RC3H1: variants seen among roughly 807,000 people sequenced by gnomAD.
RC3H1 encodes ring finger and CCCH-type domains 1.
Under a neutral mutation model 138.2 loss-of-function variants are expected in RC3H1, and 50 were observed. The observed-to-expected ratio is 0.36, with a 90% confidence interval of 0.29 to 0.46. RC3H1 has a LOEUF of 0.46. RC3H1 is among the 20% of genes least tolerant of loss of function. The pLI is 1.00. For missense variants in RC3H1, 1,031 were observed against 1,388.1 expected (o/e 0.74, Z 4.09); for synonymous variants, 462 against 489.1 (o/e 0.94, Z 0.73).
Position 173,964,114 on chromosome 1 carries a change from C to T in RC3H1, c.1690G>A (p.Asp564Asn). Reference sequence around the variant, plus strand: ...TTGGTAACAGGCATTGGAGGCAGATCTGCTGGCCCCCTTGGAGGTATAGAA... The same window carrying T: ...TTGGTAACAGGCATTGGAGGCAGATTTGCTGGCCCCCTTGGAGGTATAGAA... ...PHSIPPRGPADLPPMPVTKPL... is the reference protein window; with the variant it reads ...PHSIPPRGPANLPPMPVTKPL... Residue 564 changes from aspartate (D) to asparagine (N), a missense_variant, in exon 11 of 20, where the codon GAT becomes AAT. Physicochemically the swap from Asp to Asn is conservative, Grantham distance 23 (BLOSUM62 1). Around this residue, in one of 7 missense-constraint regions of RC3H1, gnomAD observed 716 missense variants for 837.9 expected, o/e 0.85. Transcript: ENST00000367696. 6.2e-7 allele frequency: 1 copy of T among 1,614,154 alleles called. No homozygotes were observed. Among genetic ancestry groups the T allele is most frequent in the East Asian group, 2.2e-5 (1 of 44,880 alleles).
chr1:173,943,324 A>T, intron 18 of RC3H1, 118 bp downstream of exon 18: 2 of 905,246 alleles, frequency 2.2e-6, no homozygotes, highest in Non-Finnish European at 3.2e-6. Context: ...GAATTATTTT[A>T]AATATTAACC....
At position 173,934,233 on chromosome 1, in the gene RC3H1, A is replaced by T. The variant is rs1195679276; in HGVS notation, c.*4488T>A. ...TTTTAGTGAAAGTATTTTGTCTTGA[A>T]TTTTAACAATCTGTACATGTACTGA... is the stretch of plus-strand genomic sequence containing the variant. On this transcript the variant is annotated 3_prime_UTR_variant, in exon 20 of 20. Coordinates refer to ENST00000367696, the MANE Select transcript of RC3H1 (RefSeq NM_172071.4). 6.6e-6 allele frequency: 1 copy of T among 152,122 alleles called. No individual in the cohort carries two copies. The highest frequency in any genetic ancestry group is 6.6e-5 in the Admixed American group (1 of 15,260). 9.4% of individuals were successfully genotyped at this position (152,122 alleles called of 1,614,324 possible). A position where few individuals can be genotyped will look rare whatever the true frequency, so the allele number is the denominator to read the frequency against.
At chr1:173,939,600 G>T (rs895925247) in intron 19 of RC3H1, among the ~76,000 whole-genome samples, 2 of 149,532 alleles carry the variant, frequency 1.3e-5, no homozygotes, top group Admixed American at 1.3e-4. Flanking sequence ...ACTTTGGGAG[G>T]CCGAGGCGGG....
chr1:174,000,099 T>C (rs1661537508), intron 1 of RC3H1, among the ~76,000 whole-genome samples: 1 of 152,256 alleles, frequency 6.6e-6, no homozygotes, highest in Admixed American at 6.5e-5. Flanking sequence ...CATTTGTGTA[T>C]TTAAAATAAG....
chr1:173,947,415 C>T lies in RC3H1; in HGVS notation c.2691G>A (p.Gln897=). ...TAGGAGCTCCCTGAGGTGCCATAGCCTGCATTGGACCAGCACCCTGATATA... is the reference window on the plus strand; with the variant it reads ...TAGGAGCTCCCTGAGGTGCCATAGCTTGCATTGGACCAGCACCCTGATATA... ...KTIYQGAGPM[Q]AMAPQGAPTK... is the part of the protein sequence containing the mutation. The change falls in exon 15 of 20, where the codon CAG becomes CAA. Residue 897 remains glutamine, a synonymous_variant. Coordinates refer to ENST00000367696, the MANE Select transcript of RC3H1 (RefSeq NM_172071.4). The T allele has an allele frequency of 6.2e-7, 1 of 1,614,042 alleles. No individual in the cohort carries two copies.
At chr1:173,955,243 A>G (rs1486413559) in intron 13 of RC3H1, among the ~76,000 whole-genome samples, 8 of 141,498 alleles carry the variant, frequency 5.7e-5, no homozygotes, top group East Asian at 2.0e-4. Flanking sequence ...AAAAAAAAAA[A>G]AGAGAAACCA....
chr1:174,020,810 A>C (rs901451134), intron 1 of RC3H1, among the ~76,000 whole-genome samples: 1 of 152,160 alleles, frequency 6.6e-6, no homozygotes, highest in African/African-American at 2.4e-5. Context: ...GGAGTTCCAG[A>C]CCAGCCTGGC....
chr1:173,948,722 GGGACCGGCGT>G (rs1659244117), intron 14 of RC3H1, among the ~76,000 whole-genome samples: 1 of 151,888 alleles, frequency 6.6e-6, no homozygotes, highest in Admixed American at 6.6e-5. Flanking sequence ...TCAAGTAGCT[GGGACCGGCGT>G]GCACCACCAC....
chr1:174,013,326 A>G (rs1265921967), intron 1 of RC3H1, among the ~76,000 whole-genome samples: 2 of 152,116 alleles, frequency 1.3e-5, no homozygotes, highest in African/African-American at 4.8e-5. Flanking sequence ...GTGCTTTCCA[A>G]TATGGTAGCC....
At chr1:173,964,744 G>A in intron 10 of RC3H1, 95 bp downstream of exon 10, 4 of 941,884 alleles carry the variant, frequency 4.2e-6, no homozygotes, top group South Asian at 4.0e-5. Context: ...AATAATCAGG[G>A]TTTTTTTTTT....
intron 13 of RC3H1, among the ~76,000 whole-genome samples, chr1:173,957,947 A>T (rs1659716572): frequency 6.6e-6 from 1 of 152,162 alleles, no homozygotes; most frequent in South Asian, 2.1e-4. Context: ...AACTCATCCA[A>T]AGTGTTTAGA....
chr1:173,936,982 A>G lies in RC3H1; in HGVS notation c.*1739T>C, dbSNP rs576465310. On this transcript the variant is annotated 3_prime_UTR_variant, in exon 20 of 20. Transcript: ENST00000367696. ...TATATATATAAATTTTTATTTAAAT[A>G]AAAAAGAAAGCTCGAATCCCAAGCC... 2.0e-5 allele frequency: 3 copies of G among 149,560 alleles called. No homozygotes were observed. In the Admixed American group the frequency reaches 2.0e-4, roughly 10 times the overall value. 9.3% of individuals were successfully genotyped at this position (149,560 alleles called of 1,614,324 possible).
At position 173,946,547 on chromosome 1, in the gene RC3H1, C is replaced by T; in HGVS notation, c.2890G>A (p.Glu964Lys). ...HGKPLPSAER[E>K]QLRLELQQLN... is the part of the protein sequence containing the mutation. Reference sequence around the variant, plus strand: ...TGCTGCAATTCTAGTCGTAGCTGTTCTCTCTCAGCAGATGGAAGGGGTTTT... The same window carrying T: ...TGCTGCAATTCTAGTCGTAGCTGTTTTCTCTCAGCAGATGGAAGGGGTTTT... The change falls in exon 17 of 20, where the codon GAA becomes AAA. Residue 964 changes from glutamate to lysine, a missense_variant. Transcript: ENST00000367696. 6.2e-7 allele frequency: 1 copy of T among 1,614,028 alleles called. No homozygotes were observed. Among genetic ancestry groups the T allele is most frequent in the East Asian group, 2.2e-5 (1 of 44,874 alleles).
In RC3H1 at chr1:173,936,755, ATATATATTTTT is replaced by A. The variant is rs1482076866; in HGVS notation, c.*1955_*1965del. On this transcript the variant is annotated 3_prime_UTR_variant, in exon 20 of 20. Coordinates refer to ENST00000367696, the MANE Select transcript of RC3H1 (RefSeq NM_172071.4). ...CATATATATATATATATATATATAT[ATATATATTTTT>A]TTTTTTTTTTTTAAAAAAAGAAGAC... The A allele has an allele frequency of 1.3e-3, 54 of 40,698 alleles. No homozygotes were observed. Among genetic ancestry groups the A allele is most frequent in the East Asian group, 7.5e-3 (6 of 804 alleles). 2.5% of individuals were successfully genotyped at this position (40,698 alleles called of 1,614,324 possible). A position where few individuals can be genotyped will look rare whatever the true frequency, so the allele number is the denominator to read the frequency against.
At position 173,936,264 on chromosome 1, in the gene RC3H1, T is replaced by A. The variant is rs1300233281; in HGVS notation, c.*2457A>T. On this transcript the variant is annotated 3_prime_UTR_variant, in exon 20 of 20. Transcript: ENST00000367696. ...CTTCTAATACAAGAATCATTCTGAA[T>A]TCCAAAGTGAATCAACTGCTTCTAA... is the stretch of plus-strand genomic sequence containing the variant. 6.6e-6 allele frequency: 1 copy of A among 152,134 alleles called. No homozygotes were observed. The highest frequency in any genetic ancestry group is 1.5e-5 in the Non-Finnish European group (1 of 68,026). 9.4% of individuals were successfully genotyped at this position (152,134 alleles called of 1,614,324 possible).
intron 9 of RC3H1, among the ~76,000 whole-genome samples, chr1:173,966,602 C>T (rs1438635676): frequency 1.3e-5 from 2 of 151,972 alleles, no homozygotes; most frequent in Non-Finnish European, 2.9e-5. Flanking sequence ...GTAGTCCCAG[C>T]TACTCAGGAG....
intron 7 of RC3H1, among the ~76,000 whole-genome samples, chr1:173,973,080 TA>T (rs1660433841): frequency 6.6e-6 from 1 of 152,230 alleles, no homozygotes; most frequent in African/African-American, 2.4e-5. Flanking sequence ...GATTTTTAAG[TA>T]AAAATTTCCC....
intron 2 of RC3H1, among the ~76,000 whole-genome samples, chr1:173,989,603 T>C (rs1018386874): frequency 2.6e-5 from 4 of 152,064 alleles, no homozygotes; most frequent in East Asian, 1.9e-4. Flanking sequence ...GCCTACTCCA[T>C]GGTCAGAAAG....
chr1:173,989,359 C>CA (rs1349907521), intron 2 of RC3H1, among the ~76,000 whole-genome samples: 2 of 151,012 alleles, frequency 1.3e-5, no homozygotes, highest in East Asian at 1.9e-4. Context: ...CCACACCCAG[C>CA]AAAAAATTTT....
Sources: allele counts gnomAD v4.1 joint callset (sites outside exome capture counted in the v4.1 genomes callset), GRCh38; gene constraint gnomAD v4.1.1; regional missense constraint gnomAD v4.1.1; transcripts MANE v1.5; gene names NCBI Gene and HGNC (gene_info 2026-07-23, HGNC 2026-07-21).